The following GABRA2 variants were observed in gnomAD, a reference collection of about 807,000 sequenced individuals.
The protein encoded by GABRA2 is gamma-aminobutyric acid receptor subunit alpha-2.
Under a neutral mutation model 48.7 loss-of-function variants are expected in GABRA2, and 16 were observed. The ratio of observed to expected loss-of-function variants is 0.33; its 90% confidence interval spans 0.22 to 0.50. The LOEUF (loss-of-function observed/expected upper bound fraction) is 0.50. Ranked by LOEUF, GABRA2 falls within the 20% of genes least tolerant of loss-of-function variation. GABRA2 has a pLI of 0.98. For synonymous variants in GABRA2, 185 were observed against 184.5 expected (o/e 1.00, Z -0.02); for missense variants, 275 against 535.6 (o/e 0.51, Z 4.80).
chr4:46,370,712 A>G (rs1231683754), intron 3 of GABRA2, among the ~76,000 whole-genome samples: 1 of 152,108 alleles, frequency 6.6e-6, no homozygotes, highest in Non-Finnish European at 1.5e-5. Flanking sequence ...AGTTGCTAGG[A>G]GTCAGAAAAC....
intron 5 of GABRA2, among the ~76,000 whole-genome samples, chr4:46,312,018 C>T (rs1727724827): frequency 6.6e-6 from 1 of 152,126 alleles, no homozygotes; most frequent in African/African-American, 2.4e-5. Flanking sequence ...AGAATCACTA[C>T]AACCCAGGAA....
At chr4:46,292,522 T>C (rs978413529) in intron 8 of GABRA2, among the ~76,000 whole-genome samples, 1 of 152,168 alleles carries the variant, frequency 6.6e-6, no homozygotes, top group Admixed American at 6.5e-5. Context: ...AATGGGATAA[T>C]GGTGGAAGAA....
At chr4:46,362,917 A>C (rs1433250726) in intron 3 of GABRA2, among the ~76,000 whole-genome samples, 1 of 152,238 alleles carries the variant, frequency 6.6e-6, no homozygotes, top group East Asian at 1.9e-4. Context: ...AAGACTTTGT[A>C]TCTCTAGTAA....
chr4:46,367,300 T>C (rs1174828809), intron 3 of GABRA2: 1 of 152,122 alleles, frequency 6.6e-6, no homozygotes, highest in African/African-American at 2.4e-5. Context: ...AGCACAGATA[T>C]GTCTGTTTTT....
intron 7 of GABRA2, 91 bp downstream of exon 7, chr4:46,305,477 A>C: frequency 8.1e-7 from 1 of 1,228,324 alleles, no homozygotes; most frequent in East Asian, 2.4e-5. Context: ...CCTCAAGAGC[A>C]AAAGATTTTA....
chr4:46,325,602 T>C (rs1003196425), intron 4 of GABRA2, among the ~76,000 whole-genome samples: 2 of 152,062 alleles, frequency 1.3e-5, no homozygotes, highest in Non-Finnish European at 1.5e-5. Flanking sequence ...CGTCTATTTT[T>C]GTTTTTGTTA....
At chr4:46,275,255 G>C (rs952392764) in intron 8 of GABRA2, among the ~76,000 whole-genome samples, 3 of 152,106 alleles carry the variant, frequency 2.0e-5, no homozygotes, top group African/African-American at 7.2e-5. Context: ...TAATTTGATA[G>C]TGATGTTATA....
intron 9 of GABRA2, among the ~76,000 whole-genome samples, chr4:46,254,885 C>G (rs181602017): frequency 6.3e-4 from 96 of 151,562 alleles, no homozygotes; most frequent in Admixed American, 6.3e-3. Context: ...CACTTGTACC[C>G]CCTAATCTGT....
At chr4:46,376,878 G>A (rs1031486274) in intron 3 of GABRA2, among the ~76,000 whole-genome samples, 9 of 152,160 alleles carry the variant, frequency 5.9e-5, no homozygotes, top group Admixed American at 3.3e-4. Context: ...GACTGCCTGC[G>A]ATTGCAGGCG....
chr4:46,338,118 T>G (rs1384344980), intron 3 of GABRA2, among the ~76,000 whole-genome samples: 1 of 151,884 alleles, frequency 6.6e-6, no homozygotes, highest in Non-Finnish European at 1.5e-5. Context: ...TTAAAACTGA[T>G]TTTCTCAAGA....
Position 46,250,456 on chromosome 4 carries a change from T to A in GABRA2, c.1208A>T (p.Lys403Met). 6.2e-7 allele frequency: 1 copy of A among 1,612,134 alleles called. No homozygotes were observed. The highest frequency in any genetic ancestry group is 8.5e-7 in the Non-Finnish European group (1 of 1,178,672). The change falls in exon 10 of 10, where the codon AAG becomes ATG. Residue 403 changes from lysine to methionine, a missense_variant. Physicochemically the swap from Lys to Met is moderately conservative, Grantham distance 95. This residue lies in a region of GABRA2 where 99 missense variants were observed against 124.3 expected (regional missense o/e 0.80). Coordinates refer to ENST00000381620, the MANE Select transcript of GABRA2 (RefSeq NM_000807.4). ...GAAAGTTTTCTTTGCTTCAGCTGGC[T>A]TGTTTTCTGGCTTCTTGTTGGGTTC... ...TPEPNKKPEN[K>M]PAEAKKTFNS...
chr4:46,268,087 T>C (rs1260442438), intron 8 of GABRA2, among the ~76,000 whole-genome samples: 1 of 146,970 alleles, frequency 6.8e-6, no homozygotes, highest in Non-Finnish European at 1.5e-5. Context: ...ACAACAACAA[T>C]AACAAAATCC....
intron 3 of GABRA2, among the ~76,000 whole-genome samples, chr4:46,376,616 G>C (rs1244366197): frequency 6.6e-6 from 1 of 152,170 alleles, no homozygotes; most frequent in Non-Finnish European, 1.5e-5. Flanking sequence ...GCCAGGCGTA[G>C]TGGGTCATGC....
intron 3 of GABRA2, among the ~76,000 whole-genome samples, chr4:46,351,974 GTT>G (rs551212967): frequency 1.1e-4 from 13 of 118,284 alleles, no homozygotes; most frequent in Admixed American, 2.6e-4. Context: ...CAAAAACTGG[GTT>G]TTTTTTTTTT....
At chr4:46,293,759 G>A (rs1355030351) in intron 8 of GABRA2, among the ~76,000 whole-genome samples, 3 of 152,086 alleles carry the variant, frequency 2.0e-5, no homozygotes, top group Non-Finnish European at 2.9e-5. Context: ...AAACAATATC[G>A]CATCCCTGGA....
Position 46,248,406 on chromosome 4 carries a change from CAAA to C in GABRA2, c.*1899_*1901del, listed in dbSNP as rs1316755180. 6.6e-6 allele frequency: 1 copy of C among 151,244 alleles called. No homozygotes were observed. The highest frequency in any genetic ancestry group is 1.5e-5 in the Non-Finnish European group (1 of 67,566). 9.4% of individuals were successfully genotyped at this position (151,244 alleles called of 1,614,324 possible). A position where few individuals can be genotyped will look rare whatever the true frequency, so the allele number is the denominator to read the frequency against. Reference sequence around the variant, plus strand: ...AAGTGCACATTTTAAAACTAGGTGACAAAGAAAGTGTTACTGGAAGGGAATTAA... The same window carrying C: ...AAGTGCACATTTTAAAACTAGGTGACGAAAGTGTTACTGGAAGGGAATTAA... On this transcript the variant is annotated 3_prime_UTR_variant, in exon 10 of 10. Transcript: ENST00000381620.
chr4:46,352,971 T>C (rs1735385769), intron 3 of GABRA2, among the ~76,000 whole-genome samples: 1 of 152,110 alleles, frequency 6.6e-6, no homozygotes, highest in African/African-American at 2.4e-5. Flanking sequence ...TAGAGTTGTC[T>C]CCATACACTT....
Position 46,386,174 on chromosome 4 carries a change from G to A in GABRA2, c.87C>T (p.Asn29=). The change falls in exon 3 of 10, where the codon AAC becomes AAT. Residue 29 remains asparagine (N), a synonymous_variant. Coordinates refer to ENST00000381620, the MANE Select transcript of GABRA2 (RefSeq NM_000807.4). ...TATTTTTAGCCTCATCTTCTTGGAT[G>A]TTAGCCAGCACCAACCTAAACAGAT... ...VWDPARLVLA[N]IQEDEAKNNI... 2 of 1,607,730 alleles carry A rather than the reference G, an allele frequency of 1.2e-6. No individual in the cohort carries two copies. Among genetic ancestry groups the A allele is most frequent in the Non-Finnish European group, 1.7e-6 (2 of 1,176,270 alleles).
At chr4:46,344,813 T>A (rs1733871657) in intron 3 of GABRA2, among the ~76,000 whole-genome samples, 1 of 151,998 alleles carries the variant, frequency 6.6e-6, no homozygotes, top group South Asian at 2.1e-4. Context: ...AAGTTGAAGA[T>A]GTTCCTGGAG....
Sources: allele counts gnomAD v4.1 joint callset (sites outside exome capture counted in the v4.1 genomes callset), GRCh38; gene constraint gnomAD v4.1.1; regional missense constraint gnomAD v4.1.1; transcripts MANE v1.5; gene names NCBI Gene and HGNC (gene_info 2026-07-23, HGNC 2026-07-21).